Variants in ANTXR2 observed in about 807,000 individuals in gnomAD.
The protein encoded by ANTXR2 is ANTXR cell adhesion molecule 2, also known as anthrax toxin receptor 2.
In ANTXR2, 44 loss-of-function variants were observed where a neutral mutation model predicts 73.7. That is an observed-to-expected ratio of 0.60 (90% CI 0.47 to 0.77). ANTXR2 has a LOEUF of 0.77. Ranked by LOEUF, ANTXR2 falls within the 30% of genes least tolerant of loss-of-function variation. ANTXR2 has a pLI of 0.00. For missense variants in ANTXR2, 604 were observed against 592.5 expected (o/e 1.02, Z -0.20); for synonymous variants, 217 against 205.9 (o/e 1.05, Z -0.46).
intron 10 of ANTXR2, among the ~76,000 whole-genome samples, chr4:80,029,365 GC>G (rs997652053): frequency 6.6e-6 from 1 of 151,558 alleles, no homozygotes; most frequent in African/African-American, 2.4e-5. Context: ...AAATAGTATG[GC>G]CCCCCAAAAT....
intron 7 of ANTXR2, among the ~76,000 whole-genome samples, chr4:80,053,529 T>C (rs1733857175): frequency 6.6e-6 from 1 of 151,764 alleles, no homozygotes; most frequent in African/African-American, 2.4e-5. Context: ...GAAGATTTTT[T>C]TTCAATGCTT....
intron 1 of ANTXR2, 80 bp from the exon 2 acceptor site, chr4:80,071,734 A>T: frequency 1.6e-6 from 2 of 1,216,380 alleles, no homozygotes; most frequent in South Asian, 2.5e-5. Context: ...TCCTTCTTCA[A>T]TGCCACGAAC....
intron 16 of ANTXR2, among the ~76,000 whole-genome samples, chr4:79,919,868 TATATA>T (rs1727509225): frequency 9.5e-4 from 2 of 2,114 alleles, no homozygotes; most frequent in Non-Finnish European, 2.6e-3. Flanking sequence ...ACATATTTTA[TATATA>T]TATATATATA....
At chr4:80,037,778 T>C (rs1282600017) in intron 7 of ANTXR2, among the ~76,000 whole-genome samples, 1 of 152,014 alleles carries the variant, frequency 6.6e-6, no homozygotes, top group African/African-American at 2.4e-5. Context: ...ATAGAAAAGA[T>C]TTGCAAAGGA....
intron 10 of ANTXR2, among the ~76,000 whole-genome samples, chr4:80,026,259 G>T (rs898565460): frequency 1.6e-4 from 24 of 152,076 alleles, no homozygotes; most frequent in Non-Finnish European, 2.9e-5. Flanking sequence ...GGTTTTAAAA[G>T]TGGCCATTTT....
intron 16 of ANTXR2, among the ~76,000 whole-genome samples, chr4:79,916,567 C>G: frequency 6.6e-6 from 1 of 151,896 alleles, no homozygotes; most frequent in Middle Eastern, 3.4e-3. Flanking sequence ...CATAATATGA[C>G]CTTAAAGCAA....
Position 80,067,122 on chromosome 4 carries a change from T to C in ANTXR2, c.296+2314A>G, listed in dbSNP as rs1256401379. 3.3e-5 allele frequency among the ~76,000 whole-genome samples: 5 copies of C among 151,518 alleles called. No individual in the cohort carries two copies. The South Asian group carries it at 6.3e-4, about 19-fold the overall frequency. ...GCGGGAGGCTGAGGCAGGAGAATGG[T>C]GTGAACCTGGGAGGTGGAGCTTGCA... On this transcript the variant is annotated intron_variant, in intron 3 of 16. Transcript: ENST00000403729.
chr4:80,049,245 T>C (rs2110101634), intron 7 of ANTXR2, among the ~76,000 whole-genome samples: 1 of 151,856 alleles, frequency 6.6e-6, no homozygotes, highest in African/African-American at 2.4e-5. Flanking sequence ...AATCTGTGGT[T>C]TTCTTTTATT....
At chr4:79,932,925 G>C (rs1004096257) in intron 16 of ANTXR2, among the ~76,000 whole-genome samples, 7 of 151,768 alleles carry the variant, frequency 4.6e-5, no homozygotes, top group Non-Finnish European at 1.0e-4. Context: ...AATTATTTAA[G>C]TGGCTCATCA....
At chr4:80,063,180 T>C (rs1414964361) in intron 3 of ANTXR2, among the ~76,000 whole-genome samples, 2 of 152,204 alleles carry the variant, frequency 1.3e-5, no homozygotes, top group Non-Finnish European at 1.5e-5. Flanking sequence ...GATTGCTGTA[T>C]GGTAGGAATA....
In ANTXR2 at chr4:79,905,908, T is replaced by C. The variant is rs7747; in HGVS notation, c.*1521A>G. On this transcript the variant is annotated 3_prime_UTR_variant, in exon 17 of 17. Coordinates refer to ENST00000403729, the MANE Select transcript of ANTXR2 (RefSeq NM_058172.6). ...CCAATGTGATGGTTGTTGAACTTAT[T>C]TTTAGTGTCATTTGATAAGCCTTTG... 123,963 of 152,468 alleles carry C rather than the reference T, an allele frequency of 0.81. 50,610 individuals carry two copies. Among genetic ancestry groups the C allele is most frequent in the East Asian group, 1 (5,158 of 5,160 alleles). The allele number at this position is 152,468 out of a possible 1,614,324, so 9.4% of individuals were successfully genotyped here. A position where few individuals can be genotyped will look rare whatever the true frequency, so the allele number is the denominator to read the frequency against.
At chr4:79,959,910 T>A (rs1430030639) in intron 16 of ANTXR2, among the ~76,000 whole-genome samples, 1 of 152,168 alleles carries the variant, frequency 6.6e-6, no homozygotes, top group Non-Finnish European at 1.5e-5. Flanking sequence ...GAAGCCTCAA[T>A]CAATGTTAGG....
intron 12 of ANTXR2, among the ~76,000 whole-genome samples, 186 bp from the exon 13 acceptor site, chr4:79,985,049 T>C (rs1730067055): frequency 6.6e-6 from 1 of 151,854 alleles, no homozygotes. Flanking sequence ...TTTCGGCAAA[T>C]AGAAAAAGGT....
At chr4:79,988,435 C>T (rs190926436) in intron 12 of ANTXR2, among the ~76,000 whole-genome samples, 1 of 151,652 alleles carries the variant, frequency 6.6e-6, no homozygotes, top group African/African-American at 2.4e-5. Flanking sequence ...AGTTTCCATT[C>T]AACAAGAAGA....
chr4:79,976,820 G>A lies in ANTXR2; in HGVS notation c.1428+801C>T, dbSNP rs1368402972. On this transcript the variant is annotated intron_variant, in intron 16 of 16. Transcript: ENST00000403729. ...CCCTGCATCAGATTCCTTCTTAGATGAAGTTAAGAACTCTCCCAGGCTAAC... is the reference window on the plus strand; with the variant it reads ...CCCTGCATCAGATTCCTTCTTAGATAAAGTTAAGAACTCTCCCAGGCTAAC... Among the ~76,000 whole-genome samples the A allele has an allele frequency of 1.3e-5, 2 of 152,182 alleles. 1 individual carries two copies. The highest frequency in any genetic ancestry group is 1.3e-4 in the Admixed American group (2 of 15,274).
At chr4:79,965,202 A>G (rs1299173948) in intron 16 of ANTXR2, 1 of 152,202 alleles carries the variant, frequency 6.6e-6, no homozygotes, top group Non-Finnish European at 1.5e-5. Flanking sequence ...TGTTTATACA[A>G]CTAAACTTGA....
intron 14 of ANTXR2, among the ~76,000 whole-genome samples, chr4:79,982,287 T>C (rs1283025065): frequency 1.3e-5 from 2 of 152,140 alleles, no homozygotes; most frequent in African/African-American, 2.4e-5. Context: ...ATTTAAACAA[T>C]AGGGAAATAT....
chr4:79,915,802 GTC>G (rs1727319377), intron 16 of ANTXR2, among the ~76,000 whole-genome samples: 1 of 85,664 alleles, frequency 1.2e-5, no homozygotes, highest in African/African-American at 4.7e-5. Context: ...TTCTCTCTCT[GTC>G]TCTGTCTCTG....
intron 12 of ANTXR2, among the ~76,000 whole-genome samples, chr4:79,998,931 C>A (rs1253542682): frequency 6.6e-6 from 1 of 151,966 alleles, no homozygotes; most frequent in Non-Finnish European, 1.5e-5. Context: ...CTCCAAATAT[C>A]ATTGGTTTAG....
Sources: allele counts gnomAD v4.1 joint callset (sites outside exome capture counted in the v4.1 genomes callset), GRCh38; gene constraint gnomAD v4.1.1; transcripts MANE v1.5; gene names NCBI Gene and HGNC (gene_info 2026-07-23, HGNC 2026-07-21).